The following KIF18A variants were observed in gnomAD, a reference collection of about 807,000 sequenced individuals.
KIF18A encodes the protein kinesin family member 18A.
KIF18A carries 67 observed loss-of-function variants against 103.3 expected under a neutral mutation model. That is an observed-to-expected ratio of 0.65 (90% CI 0.53 to 0.79). The LOEUF (loss-of-function observed/expected upper bound fraction) is 0.79, where lower values mean the gene tolerates loss of function less well. Among genes scored for constraint, KIF18A ranks in the 30% least tolerant of loss-of-function variants. The pLI is 0.00. For synonymous variants in KIF18A, 367 were observed against 355.5 expected, an observed-to-expected ratio of 1.03 and a Z score of -0.36; for missense variants, 1,032 against 1,062.5, an observed-to-expected ratio of 0.97 and a Z score of 0.40.
At chr11:28,036,729 C>G (rs1850498120) in intron 13 of KIF18A, 65 bp from the exon 14 acceptor site, 1 of 952,712 alleles carries the variant, frequency 1.0e-6, no homozygotes, top group Admixed American at 2.9e-5. Context: ...ACCCCCATTA[C>G]TTTTAAAACT....
chr11:28,060,169 T>C (rs1169133747), intron 12 of KIF18A, among the ~76,000 whole-genome samples: 2 of 152,208 alleles, frequency 1.3e-5, no homozygotes, highest in Non-Finnish European at 2.9e-5. Context: ...TAAACAGTTA[T>C]AAATTTATAC....
At chr11:28,024,837 A>C (rs1850294199) in intron 15 of KIF18A, among the ~76,000 whole-genome samples, 1 of 152,018 alleles carries the variant, frequency 6.6e-6, no homozygotes, top group Admixed American at 6.6e-5. Context: ...ATTCTGGCTA[A>C]TAAAGATACT....
chr11:28,083,630 GGTATA>G (rs1435613738), intron 7 of KIF18A, among the ~76,000 whole-genome samples: 1 of 151,998 alleles, frequency 6.6e-6, no homozygotes, highest in Non-Finnish European at 1.5e-5. Flanking sequence ...TGACATTTAT[GGTATA>G]GTAGAGAGGA....
chr11:28,031,065 C>G (rs1284011392), intron 15 of KIF18A, among the ~76,000 whole-genome samples: 1 of 151,730 alleles, frequency 6.6e-6, no homozygotes, highest in Non-Finnish European at 1.5e-5. Flanking sequence ...GAAATAGGAA[C>G]ACTTTTACAC....
At chr11:28,092,332 A>C (rs527966183) in intron 3 of KIF18A, among the ~76,000 whole-genome samples, 1 of 152,324 alleles carries the variant, frequency 6.6e-6, no homozygotes, top group East Asian at 1.9e-4. Flanking sequence ...CAATTACATT[A>C]ATTTTGACAT....
intron 10 of KIF18A, among the ~76,000 whole-genome samples, chr11:28,071,127 C>T (rs1704870885): frequency 6.6e-6 from 1 of 152,150 alleles, no homozygotes; most frequent in African/African-American, 2.4e-5. Flanking sequence ...TACAGGGACC[C>T]CTAAGGATTC....
intron 10 of KIF18A, among the ~76,000 whole-genome samples, chr11:28,073,863 G>A (rs1421065252): frequency 1.4e-4 from 21 of 152,104 alleles, no homozygotes; most frequent in Admixed American, 1.4e-3. Flanking sequence ...TTCAATAAGA[G>A]TTTCGTTAAA....
At chr11:28,108,040 G>A (rs970971047) in intron 1 of KIF18A, 24 bp downstream of exon 1, 2 of 152,254 alleles carry the variant, frequency 1.3e-5, no homozygotes, top group Admixed American at 6.5e-5. Flanking sequence ...TCACCAAAAG[G>A]AGCGTCCCAG....
At chr11:28,050,914 T>C (rs1303158253) in intron 13 of KIF18A, among the ~76,000 whole-genome samples, 1 of 151,840 alleles carries the variant, frequency 6.6e-6, no homozygotes, top group East Asian at 1.9e-4. Flanking sequence ...TTAAAATTCA[T>C]AAAATTTACA....
chr11:28,033,009 C>T (rs1294481832), intron 15 of KIF18A, among the ~76,000 whole-genome samples: 2 of 151,588 alleles, frequency 1.3e-5, no homozygotes, highest in South Asian at 2.1e-4. Flanking sequence ...GCTCAAACAA[C>T]TCTAGGAAAA....
rs1335161872 is a variant in KIF18A at position 28,077,061 on chromosome 11, T to C, written c.1371A>G (p.Gln457=). The C allele has an allele frequency of 1.3e-6, 2 of 1,579,206 alleles. No homozygotes were observed. Among genetic ancestry groups the C allele is most frequent in the East Asian group, 2.3e-5 (1 of 43,164 alleles). The change falls in exon 10 of 17, where the codon CAA becomes CAG. Residue 457 remains glutamine, a synonymous_variant. Coordinates refer to ENST00000263181, the MANE Select transcript of KIF18A (RefSeq NM_031217.4). ...TTTCTATTTGTTTATGGCACTGTTG[T>C]TGGTAGAATGATTTAAGTTCATTTT... ...LKENELKSFY[Q]QQCHKQIEMM...
In KIF18A at chr11:28,047,304, T is replaced by TAC. The variant is rs563330763; in HGVS notation, c.1949-10642_1949-10641dup. Among the ~76,000 whole-genome samples the TAC allele has an allele frequency of 2.0e-4, 31 of 152,186 alleles. 2 individuals are homozygous for TAC. In the South Asian group the frequency reaches 6.2e-3, roughly 31 times the overall value. ...CGCTACAAGAAAAAAGGAATAAACT[T>TAC]ACACACAAATGTTTCCTAATAGCAA... On this transcript the variant is annotated intron_variant, in intron 13 of 16. Transcript: ENST00000263181.
intron 15 of KIF18A, among the ~76,000 whole-genome samples, chr11:28,026,008 C>T (rs1850313832): frequency 6.6e-6 from 1 of 151,530 alleles, no homozygotes. Flanking sequence ...AACAAAAAAC[C>T]AATCAACCAA....
chr11:28,030,307 A>G (rs1437499397), intron 15 of KIF18A, among the ~76,000 whole-genome samples: 2 of 152,036 alleles, frequency 1.3e-5, no homozygotes, highest in East Asian at 1.9e-4. Flanking sequence ...TAACCAAAAC[A>G]GCCTGGTACT....
At chr11:28,091,655 G>A (rs1851306403) in intron 3 of KIF18A, 142 bp from the exon 4 acceptor site, 2 of 477,308 alleles carry the variant, frequency 4.2e-6, no homozygotes, top group South Asian at 7.5e-5. Flanking sequence ...TCATACCTTC[G>A]ATCTCATGTT....
chr11:28,060,560 A>C (rs913563930), intron 12 of KIF18A, among the ~76,000 whole-genome samples: 4 of 152,190 alleles, frequency 2.6e-5, no homozygotes, highest in Non-Finnish European at 2.9e-5. Flanking sequence ...TAGCATCTAC[A>C]CTAATCAGGT....
chr11:28,029,288 C>T lies in KIF18A; in HGVS notation c.2505-5438G>A, dbSNP rs1159156873. On this transcript the variant is annotated intron_variant, in intron 15 of 16. Transcript: ENST00000263181. ...TGATGCAAAAATCCTCAATAAACTA[C>T]TGGCAAGCCCAATCCAGCAGCACAT... 2.0e-5 allele frequency among the ~76,000 whole-genome samples: 3 copies of T among 152,154 alleles called. No individual in the cohort carries two copies. The East Asian group carries it at 5.8e-4, about 29-fold the overall frequency.
At chr11:28,050,885 T>C (rs1029364188) in intron 13 of KIF18A, among the ~76,000 whole-genome samples, 21 of 151,840 alleles carry the variant, frequency 1.4e-4, no homozygotes, top group African/African-American at 5.1e-4. Flanking sequence ...AAAAATCAAG[T>C]CTATTTATTA....
intron 13 of KIF18A, among the ~76,000 whole-genome samples, chr11:28,038,742 A>G (rs1313016801): frequency 6.6e-6 from 1 of 151,706 alleles, no homozygotes; most frequent in African/African-American, 2.4e-5. Context: ...GAAGAAAAAT[A>G]TGATCCCTGT....
Sources: allele counts gnomAD v4.1 joint callset (sites outside exome capture counted in the v4.1 genomes callset), GRCh38; gene constraint gnomAD v4.1.1; transcripts MANE v1.5; gene names NCBI Gene and HGNC (gene_info 2026-07-23, HGNC 2026-07-21).